The following DAB1 variants were observed in gnomAD, a reference collection of about 807,000 sequenced individuals.
DAB1 encodes the protein DAB adaptor protein 1, also known as disabled homolog 1.
A neutral mutation model predicts 64.6 loss-of-function variants in DAB1; 15 were observed. The ratio of observed to expected loss-of-function variants is 0.23; its 90% confidence interval spans 0.16 to 0.36. The LOEUF (loss-of-function observed/expected upper bound fraction) is 0.36, where lower values mean the gene tolerates loss of function less well. Ranked by LOEUF, DAB1 falls within the 10% of genes least tolerant of loss-of-function variation. The pLI is 1.00. For missense variants in DAB1, 596 were observed against 706.7 expected, an observed-to-expected ratio of 0.84 and a Z score of 1.78; for synonymous variants, 235 against 251.9, an observed-to-expected ratio of 0.93 and a Z score of 0.64.
chr1:57,944,665 T>C (rs1474126737), intron 5 of DAB1, among the ~76,000 whole-genome samples: 3 of 152,174 alleles, frequency 2.0e-5, no homozygotes, highest in African/African-American at 7.2e-5. Flanking sequence ...GGCAATTAAG[T>C]TGATTTGTAA....
At chr1:58,363,708 AG>A (rs1475843930) in intron 3 of DAB1, among the ~76,000 whole-genome samples, 1 of 152,230 alleles carries the variant, frequency 6.6e-6, no homozygotes, top group Non-Finnish European at 1.5e-5. Context: ...TTCATCTTCC[AG>A]GGGAAAGGCT....
At chr1:57,288,391 GC>G (rs1446839995) in intron 2 of DAB1, among the ~76,000 whole-genome samples, 1 of 152,146 alleles carries the variant, frequency 6.6e-6, no homozygotes, top group Non-Finnish European at 1.5e-5. Context: ...ATATGTTAAA[GC>G]CCTGAACCCC....
chr1:57,061,623 C>G lies in DAB1; in HGVS notation c.723+1261G>C, dbSNP rs539613210. Among the ~76,000 whole-genome samples, 11 of 152,314 alleles carry G rather than the reference C, an allele frequency of 7.2e-5. No individual in the cohort carries two copies. The South Asian group carries it at 2.3e-3, about 32-fold the overall frequency. The stretch of plus-strand genomic sequence containing the variant: ...CCACCCACTGGTCTCAGTTCCAGGA[C>G]TTGGCTGACACAGAACAAGGTAATC... On this transcript the variant is annotated intron_variant, in intron 9 of 14. Coordinates refer to ENST00000371236, the MANE Select transcript of DAB1 (RefSeq NM_001365792.1).
At chr1:58,442,284 G>A (rs978963678) in intron 3 of DAB1, among the ~76,000 whole-genome samples, 2 of 152,204 alleles carry the variant, frequency 1.3e-5, no homozygotes, top group African/African-American at 4.8e-5. Context: ...GAATGGACCT[G>A]GAGGCTGACT....
chr1:58,346,851 C>T (rs1644005897), intron 3 of DAB1, among the ~76,000 whole-genome samples: 1 of 152,162 alleles, frequency 6.6e-6, no homozygotes, highest in Admixed American at 6.5e-5. Context: ...AATTCTGTGG[C>T]CACACTGGCG....
At chr1:58,255,335 A>G (rs1660904904) in intron 4 of DAB1, among the ~76,000 whole-genome samples, 1 of 152,130 alleles carries the variant, frequency 6.6e-6, no homozygotes, top group Non-Finnish European at 1.5e-5. Context: ...GCAAAGACAG[A>G]GGCGTTTGTC....
chr1:57,933,156 T>C (rs1038674974), intron 5 of DAB1, among the ~76,000 whole-genome samples: 6 of 152,170 alleles, frequency 3.9e-5, no homozygotes, highest in African/African-American at 1.4e-4. Context: ...ACTCTCAGAG[T>C]TGTCCACACT....
Position 58,314,927 on chromosome 1 carries a change from A to T in DAB1, n.309+28425T>A, listed in dbSNP as rs527951956. On this transcript the variant is annotated intron_variant and non_coding_transcript_variant, in intron 4 of 20. Transcript: ENST00000485760. ...ATTTTTCTAATTTTATGGATGAGAA[A>T]ACTTAGAAGGTTGAGAGTTTAAGTA... 2.0e-5 allele frequency among the ~76,000 whole-genome samples: 3 copies of T among 152,336 alleles called. No homozygotes were observed. In the South Asian group the frequency reaches 6.2e-4, roughly 32 times the overall value.
intron 3 of DAB1, among the ~76,000 whole-genome samples, chr1:58,404,886 T>G (rs1048158188): frequency 6.6e-6 from 1 of 152,146 alleles, no homozygotes; most frequent in Non-Finnish European, 1.5e-5. Flanking sequence ...TCTCTCCTTG[T>G]TTTTCCTTCT....
intron 2 of DAB1, among the ~76,000 whole-genome samples, chr1:57,166,411 A>C (rs1195400305): frequency 6.6e-6 from 1 of 152,226 alleles, no homozygotes; most frequent in Non-Finnish European, 1.5e-5. Context: ...TATAACCTCG[A>C]GGAATTTACA....
At chr1:58,257,538 G>A (rs1215041520) in intron 4 of DAB1, among the ~76,000 whole-genome samples, 3 of 152,194 alleles carry the variant, frequency 2.0e-5, no homozygotes, top group Admixed American at 2.0e-4. Context: ...ACTTGCATGA[G>A]GGCACAGCAT....
intron 2 of DAB1, among the ~76,000 whole-genome samples, chr1:57,283,841 G>A (rs1203778108): frequency 6.6e-6 from 1 of 152,170 alleles, no homozygotes; most frequent in Non-Finnish European, 1.5e-5. Flanking sequence ...CATTGCCCAG[G>A]GGAGTGACCA....
At chr1:57,519,095 G>C (rs1370143572) in intron 7 of DAB1, among the ~76,000 whole-genome samples, 1 of 152,144 alleles carries the variant, frequency 6.6e-6, no homozygotes, top group Non-Finnish European at 1.5e-5. Context: ...TCTTACAATA[G>C]TCCCTGTGAT....
At chr1:57,411,891 T>C (rs1289085603) in intron 1 of DAB1, among the ~76,000 whole-genome samples, 2 of 152,226 alleles carry the variant, frequency 1.3e-5, no homozygotes, top group African/African-American at 2.4e-5. Flanking sequence ...ACTTTTATTG[T>C]ACTTCGCCTT....
intron 2 of DAB1, among the ~76,000 whole-genome samples, chr1:57,218,496 A>G (rs1052362268): frequency 1.4e-5 from 2 of 142,018 alleles, no homozygotes; most frequent in Non-Finnish European, 3.0e-5. Context: ...CCTGAGCAAC[A>G]TAGTGAGACC....
chr1:57,446,583 A>G (rs1446334545), intron 7 of DAB1, among the ~76,000 whole-genome samples: 1 of 139,206 alleles, frequency 7.2e-6, no homozygotes, highest in Admixed American at 7.9e-5. Flanking sequence ...GAGCAACAAG[A>G]GCAAAACTCC....
intron 6 of DAB1, among the ~76,000 whole-genome samples, chr1:57,746,418 T>A (rs558569687): frequency 1.3e-5 from 2 of 152,270 alleles, no homozygotes; most frequent in East Asian, 3.9e-4. Flanking sequence ...GATGAGAAAT[T>A]GTATTTTTTG....
chr1:57,232,791 C>T (rs1449782177), intron 2 of DAB1, among the ~76,000 whole-genome samples: 1 of 152,134 alleles, frequency 6.6e-6, no homozygotes, highest in African/African-American at 2.4e-5. Flanking sequence ...TTTTAGACCT[C>T]AATTCCATTG....
intron 7 of DAB1, among the ~76,000 whole-genome samples, chr1:57,623,580 T>C (rs1645887391): frequency 6.6e-6 from 1 of 152,146 alleles, no homozygotes; most frequent in South Asian, 2.1e-4. Flanking sequence ...AATGATATTG[T>C]TAGGCTCTGT....
Sources: allele counts gnomAD v4.1 joint callset (sites outside exome capture counted in the v4.1 genomes callset), GRCh38; gene constraint gnomAD v4.1.1; transcripts MANE v1.5; gene names NCBI Gene and HGNC (gene_info 2026-07-23, HGNC 2026-07-21).